LOC128706666: variants seen among roughly 807,000 people sequenced by gnomAD.
At chr20:10,429,502 C>T in the LOC128706666 span, among the ~76,000 whole-genome samples, 22 of 152,172 alleles carry the variant, frequency 1.4e-4, no homozygotes, top group African/African-American at 3.9e-4. Context: ...TTGAACTAAC[C>T]GTCCCCACAA....
At chr20:10,421,505 T>A in the LOC128706666 span, among the ~76,000 whole-genome samples, 1 of 152,066 alleles carries the variant, frequency 6.6e-6, no homozygotes, top group East Asian at 1.9e-4. Context: ...GAATTTAGGT[T>A]CTATATTCTG....
the LOC128706666 span, among the ~76,000 whole-genome samples, chr20:10,416,328 A>C: frequency 4.6e-5 from 7 of 152,194 alleles, no homozygotes; most frequent in African/African-American, 1.7e-4. Flanking sequence ...TATAGGTATG[A>C]GGTAAGAAAT....
At chr20:10,421,708 C>T in the LOC128706666 span, among the ~76,000 whole-genome samples, 2 of 151,898 alleles carry the variant, frequency 1.3e-5, no homozygotes, top group African/African-American at 2.4e-5. Context: ...ACAGGGTTAT[C>T]GACCTAGTTT....
the LOC128706666 span, among the ~76,000 whole-genome samples, chr20:10,417,738 C>G: frequency 1.3e-5 from 2 of 151,794 alleles, no homozygotes; most frequent in East Asian, 3.9e-4. Flanking sequence ...ACATGATTAC[C>G]TAGGATCTAT....
At chr20:10,417,336 C>T in the LOC128706666 span, among the ~76,000 whole-genome samples, 3 of 152,178 alleles carry the variant, frequency 2.0e-5, no homozygotes, top group African/African-American at 4.8e-5. Flanking sequence ...ACTGGCTAGA[C>T]GCAGTGGCTC....
the LOC128706666 span, among the ~76,000 whole-genome samples, chr20:10,418,606 G>T: frequency 6.6e-6 from 1 of 152,000 alleles, no homozygotes; most frequent in Non-Finnish European, 1.5e-5. Context: ...TGCTGCACTG[G>T]CATCTAAAAT....
chr20:10,431,052 A>T, the LOC128706666 span, among the ~76,000 whole-genome samples: 1 of 152,338 alleles, frequency 6.6e-6, no homozygotes, highest in East Asian at 1.9e-4. Flanking sequence ...CACATTATGA[A>T]GAGAACTATA....
chr20:10,424,594 T>C, the LOC128706666 span, among the ~76,000 whole-genome samples: 2 of 151,850 alleles, frequency 1.3e-5, no homozygotes, highest in Non-Finnish European at 2.9e-5. Context: ...AAAAAAAAAA[T>C]AGTTTTCAAA....
chr20:10,422,757 G>C, the LOC128706666 span, among the ~76,000 whole-genome samples: 1 of 149,238 alleles, frequency 6.7e-6, no homozygotes, highest in Non-Finnish European at 1.5e-5. Context: ...TGTCACCCAA[G>C]CTGTAGTGCA....
At chr20:10,426,418 C>T in the LOC128706666 span, among the ~76,000 whole-genome samples, 1 of 151,988 alleles carries the variant, frequency 6.6e-6, no homozygotes, top group Admixed American at 6.6e-5. Context: ...GTTCTTTTTT[C>T]TTTTTTTGGG....
At chr20:10,418,788 C>T in the LOC128706666 span, among the ~76,000 whole-genome samples, 12 of 152,064 alleles carry the variant, frequency 7.9e-5, no homozygotes, top group African/African-American at 2.9e-4. Flanking sequence ...TACTTCTTGT[C>T]ATAAGTACAA....
At chr20:10,431,568 A>AAACCC in the LOC128706666 span, 1 of 151,498 alleles carries the variant, frequency 6.6e-6, no homozygotes, top group South Asian at 2.1e-4. Flanking sequence ...AAACCAAACC[A>AAACCC]AACCCGCACA....
At chr20:10,427,389 A>C in the LOC128706666 span, among the ~76,000 whole-genome samples, 1 of 152,192 alleles carries the variant, frequency 6.6e-6, no homozygotes, top group East Asian at 1.9e-4. Flanking sequence ...CTTCCACTGA[A>C]TGTAATTTAA....
chr20:10,423,122 G>GA, the LOC128706666 span, among the ~76,000 whole-genome samples: 1 of 150,854 alleles, frequency 6.6e-6, no homozygotes, highest in African/African-American at 2.4e-5. Context: ...TAAACTCAAG[G>GA]AAAAAAAACC....
the LOC128706666 span, among the ~76,000 whole-genome samples, chr20:10,420,241 G>A: frequency 6.6e-6 from 1 of 152,138 alleles, no homozygotes; most frequent in Non-Finnish European, 1.5e-5. Flanking sequence ...GATATGTAAT[G>A]GTAAGGAGTC....
At chr20:10,434,205 C>A in the LOC128706666 span, 1 of 152,294 alleles carries the variant, frequency 6.6e-6, no homozygotes, top group Non-Finnish European at 1.5e-5. Flanking sequence ...CGACAACCTT[C>A]GCGTCGCGCG....
chr20:10,421,140 T>C, the LOC128706666 span, among the ~76,000 whole-genome samples: 1 of 152,194 alleles, frequency 6.6e-6, no homozygotes, highest in South Asian at 2.1e-4. Flanking sequence ...TTAAAAATTA[T>C]AATTACAGGC....
At chr20:10,427,035 C>CACACAGACACACACAG in the LOC128706666 span, among the ~76,000 whole-genome samples, 1 of 56,424 alleles carries the variant, frequency 1.8e-5, no homozygotes, top group Non-Finnish European at 6.6e-5. Context: ...CACTGACACA[C>CACACAGACACACACAG]ACACACACAC....
the LOC128706666 span, among the ~76,000 whole-genome samples, chr20:10,430,282 T>C: frequency 1.3e-5 from 2 of 152,328 alleles, no homozygotes; most frequent in East Asian, 3.9e-4. Context: ...CTTTGAATCT[T>C]CACTTACCAC....
Sources: gnomAD v4.1 joint callset for allele counts (sites outside exome capture counted in the v4.1 genomes callset) on GRCh38, gnomAD v4.1.1 for gene constraint, MANE v1.5 for transcripts.